The following RAP1GAP2 variants were observed in gnomAD, a reference collection of about 807,000 sequenced individuals.
RAP1GAP2 encodes the protein RAP1 GTPase activating protein 2.
Under a neutral mutation model 95.0 loss-of-function variants are expected in RAP1GAP2, and 27 were observed. The ratio of observed to expected loss-of-function variants is 0.28; its 90% CI spans 0.21 to 0.39. The LOEUF (loss-of-function observed/expected upper bound fraction) is 0.39, where lower values mean the gene tolerates loss of function less well. Among genes scored for constraint, RAP1GAP2 ranks in the 10% least tolerant of loss-of-function variants. The probability of loss-of-function intolerance (pLI) is 1.00; values close to 1 mark genes in which losing one functional copy is unlikely to be tolerated. For synonymous variants in RAP1GAP2, 373 were observed against 380.9 expected (o/e 0.98, Z 0.24); for missense variants, 771 against 970.0 (o/e 0.79, Z 2.72).
Position 2,963,269 on chromosome 17 carries a change from G to A in RAP1GAP2, c.247-161G>A. 1.3e-6 allele frequency: 1 copy of A among 799,698 alleles called. No homozygotes were observed. The highest frequency in any genetic ancestry group is 2.1e-6 in the Non-Finnish European group (1 of 467,364). The allele number at this position is 799,698 out of a possible 1,614,324, so 49.5% of individuals were successfully genotyped here. On this transcript the variant is annotated intron_variant, in intron 5 of 24. Coordinates refer to ENST00000254695, the MANE Select transcript of RAP1GAP2 (RefSeq NM_015085.5). This position sits in a 1 kb window ranked among gnomAD's most constrained non-coding sequence, Gnocchi z 4.8. ...CTGTCAGTTTGGAGAAGAACATGGG[G>A]GATGTTAGATTCCAGAGCTGATTCT...
rs371744527 is a variant in RAP1GAP2 at position 2,816,398 on chromosome 17, C to T, written c.80+15848C>T. ...TGTCGCCCAGGCTGAAGTGCAGTGG[C>T]GCGATCTTGGCTCACTGCAACCTCC... On this transcript the variant is annotated intron_variant, in intron 2 of 24. Coordinates refer to ENST00000254695, the MANE Select transcript of RAP1GAP2 (RefSeq NM_015085.5). Among the ~76,000 whole-genome samples the T allele has an allele frequency of 2.7e-4, 41 of 152,082 alleles. 1 individual carries two copies. The East Asian group carries it at 4.1e-3, about 15-fold the overall frequency.
chr17:3,017,106 C>T (rs540419983), intron 17 of RAP1GAP2, among the ~76,000 whole-genome samples: 1 of 152,294 alleles, frequency 6.6e-6, no homozygotes, highest in South Asian at 2.1e-4. Context: ...AAATCCCCCC[C>T]TGAGGTGGAG....
chr17:2,945,008 G>T (rs2043651993), intron 3 of RAP1GAP2, among the ~76,000 whole-genome samples: 1 of 151,968 alleles, frequency 6.6e-6, no homozygotes, highest in Non-Finnish European at 1.5e-5. Flanking sequence ...TCAGTAGCTG[G>T]GATTACAGGC....
In RAP1GAP2 at chr17:2,905,270, T is replaced by C. The variant is rs764506935; in HGVS notation, c.81-14T>C. 4.3e-6 allele frequency: 7 copies of C among 1,613,184 alleles called. No individual in the cohort carries two copies. The highest frequency in any genetic ancestry group is 5.9e-6 in the Non-Finnish European group (7 of 1,179,350). On this transcript the variant is annotated splice_polypyrimidine_tract_variant and intron_variant, in intron 2 of 24. Transcript: ENST00000254695. ...CAGGCAGGTCCTCACTCACCTCTTTTGGCCTCTTCACAGGAAGCAGGAGCT... is the reference window on the plus strand; with the variant it reads ...CAGGCAGGTCCTCACTCACCTCTTTCGGCCTCTTCACAGGAAGCAGGAGCT...
chr17:2,794,177 T>C (rs530370638), upstream of RAP1GAP2, among the ~76,000 whole-genome samples: 27 of 152,168 alleles, frequency 1.8e-4, 2 homozygotes, highest in South Asian at 5.4e-3. Flanking sequence ...GTCGGTTTCA[T>C]TTTCCCCACA....
intron 8 of RAP1GAP2, among the ~76,000 whole-genome samples, chr17:2,973,745 C>T (rs545303094): frequency 8.4e-4 from 128 of 152,006 alleles, no homozygotes; most frequent in African/African-American, 2.4e-3. Flanking sequence ...AAAGACGTTC[C>T]GGAAGGAAAG....
intron 2 of RAP1GAP2, among the ~76,000 whole-genome samples, chr17:2,802,730 A>G (rs113212027): frequency 2.1e-4 from 32 of 152,182 alleles, no homozygotes; most frequent in African/African-American, 6.3e-4. Flanking sequence ...AGCTGATGCC[A>G]GGAGTGCCAT....
In RAP1GAP2 at chr17:2,869,698, G is replaced by A. The variant is rs529353976; in HGVS notation, c.81-35586G>A. Among the ~76,000 whole-genome samples the A allele has an allele frequency of 4.6e-5, 7 of 152,338 alleles. No individual in the cohort carries two copies. The Middle Eastern group carries it at 0.014, about 296-fold the overall frequency. ...AGCTCACACCCCCACTGAGGGTCACGTGTTGCTGGGGAAGGTCAGGTCCCG... is the reference window on the plus strand; with the variant it reads ...AGCTCACACCCCCACTGAGGGTCACATGTTGCTGGGGAAGGTCAGGTCCCG... On this transcript the variant is annotated intron_variant, in intron 2 of 24. Transcript: ENST00000254695.
upstream of RAP1GAP2, among the ~76,000 whole-genome samples, chr17:2,795,551 A>C (rs1292237753): frequency 1.3e-5 from 2 of 152,216 alleles, no homozygotes; most frequent in Non-Finnish European, 2.9e-5. Flanking sequence ...GCCAGCGTGA[A>C]GCATGCCACT....
chr17:2,853,912 G>A (rs1358286686), intron 2 of RAP1GAP2: 4 of 979,492 alleles, frequency 4.1e-6, no homozygotes, highest in Admixed American at 1.3e-4. Context: ...CGGGGCGCGG[G>A]CTCAGGGGCC....
intron 2 of RAP1GAP2, among the ~76,000 whole-genome samples, chr17:2,834,195 A>G (rs1013061571): frequency 6.6e-6 from 1 of 152,178 alleles, no homozygotes; most frequent in Non-Finnish European, 1.5e-5. Context: ...CCCCAGACCC[A>G]TCTTAAGAGG....
chr17:2,887,990 T>C (rs1696368461), intron 2 of RAP1GAP2, among the ~76,000 whole-genome samples: 1 of 152,164 alleles, frequency 6.6e-6, no homozygotes, highest in Non-Finnish European at 1.5e-5. Context: ...TTATCTCTAC[T>C]ATCTGTGTCC....
rs2045915649 is a variant in RAP1GAP2, at chr17:2,995,398, T to G, written c.976T>G (p.Phe326Val). The G allele has an allele frequency of 2.5e-6, 4 of 1,613,954 alleles. No individual in the cohort carries two copies. The highest frequency in any genetic ancestry group is 3.4e-6 in the Non-Finnish European group (4 of 1,179,846). ...AGGGGTGGAATCAGTGTACACAACA[T>G]TCCGGGACAGGGAGATCATGTTTCA... ...QTGVESVYTT[F>V]RDREIMFHVS... Residue 326 changes from phenylalanine (F) to valine (V), a missense_variant, in exon 13 of 25, where the codon TTC becomes GTC. Transcript: ENST00000254695.
intron 1 of RAP1GAP2, among the ~76,000 whole-genome samples, chr17:2,777,526 T>TG (rs1278167240): frequency 2.0e-5 from 3 of 151,730 alleles, no homozygotes; most frequent in African/African-American, 4.8e-5. Context: ...CGGCCCTGAG[T>TG]GGGGGGTCCA....
rs963372439 is a variant in RAP1GAP2, at chr17:2,789,626, A to C, written c.-13-10889A>C. 7.0e-4 allele frequency among the ~76,000 whole-genome samples: 105 copies of C among 150,312 alleles called. 1 individual carries two copies. The highest frequency in any genetic ancestry group is 4.0e-4 in the Non-Finnish European group (27 of 67,514). On this transcript the variant is annotated intron_variant, in intron 1 of 24. Coordinates refer to the RAP1GAP2 transcript ENST00000540393. ...CTCTACTAAAAAAAAAAAAAAAAAA[A>C]AAAACATTAGCCAGGCATGGTGGCG...
chr17:2,911,365 G>T (rs1211261803), intron 3 of RAP1GAP2, among the ~76,000 whole-genome samples: 1 of 151,808 alleles, frequency 6.6e-6, no homozygotes, highest in Non-Finnish European at 1.5e-5. Context: ...AAACTGGCTG[G>T]TGCCGGGTGG....
chr17:3,007,349 A>G (rs948843726), intron 16 of RAP1GAP2, among the ~76,000 whole-genome samples: 1 of 152,190 alleles, frequency 6.6e-6, no homozygotes, highest in Admixed American at 6.5e-5. Flanking sequence ...GACAGGTTGC[A>G]GGGCAAGAGG....
intron 2 of RAP1GAP2, among the ~76,000 whole-genome samples, chr17:2,815,049 G>T (rs1459364141): frequency 1.3e-5 from 2 of 152,106 alleles, no homozygotes; most frequent in Non-Finnish European, 2.9e-5. Context: ...CACCCTGGCT[G>T]CAGTACAGAA....
At position 2,867,903 on chromosome 17, in the gene RAP1GAP2, G is replaced by T. The variant is rs2072679870; in HGVS notation, c.81-37381G>T. On this transcript the variant is annotated intron_variant, in intron 2 of 24. Transcript: ENST00000254695. The surrounding 1 kb of genome is among the most constrained non-coding windows in gnomAD (Gnocchi z 4.5). ...TCCTTCTGCCTTGGCTGGATGAGGT[G>T]TGCTTTCTTCTTCACGGATGCAGCT... Among the ~76,000 whole-genome samples, 2 of 152,158 alleles carry T rather than the reference G, an allele frequency of 1.3e-5. No homozygotes were observed. The highest frequency in any genetic ancestry group is 2.9e-5 in the Non-Finnish European group (2 of 68,024).
Sources: gnomAD v4.1 joint callset for allele counts (sites outside exome capture counted in the v4.1 genomes callset) on GRCh38, gnomAD v4.1.1 for gene constraint, Gnocchi (gnomAD v3.1) non-coding constraint, MANE v1.5 for transcripts, NCBI Gene and HGNC (gene_info 2026-07-23, HGNC 2026-07-21) for gene names.